THNSL2: variants seen among roughly 807,000 people sequenced by gnomAD.
THNSL2 encodes the protein threonine synthase like 2, also known as threonine synthase-like 2.
Under a neutral mutation model 40.0 loss-of-function variants are expected in THNSL2, and 34 were observed. The observed-to-expected ratio is 0.85, with a 90% CI of 0.65 to 1.13. THNSL2 has a LOEUF of 1.13. THNSL2 is among the 50% of genes most tolerant of loss of function. The probability of loss-of-function intolerance (pLI) is 0.00; values close to 1 mark genes in which losing one functional copy is unlikely to be tolerated. For synonymous variants in THNSL2, 241 were observed against 247.5 expected, an observed-to-expected ratio of 0.97 and a Z score of 0.25; for missense variants, 537 against 608.8, an observed-to-expected ratio of 0.88 and a Z score of 1.24.
chr2:88,178,070 T>A (rs1453789411), intron 4 of THNSL2, among the ~76,000 whole-genome samples: 2 of 129,280 alleles, frequency 1.5e-5, no homozygotes, highest in Admixed American at 7.6e-5. Flanking sequence ...AATGGAGACA[T>A]ACTCGGGTAT....
intron 5 of THNSL2, among the ~76,000 whole-genome samples, chr2:88,179,824 C>G (rs529492692): frequency 1.2e-4 from 18 of 152,334 alleles, no homozygotes; most frequent in African/African-American, 3.6e-4. Context: ...GAGTCATGCC[C>G]TGGTTACAGA....
At chr2:88,170,486 G>A (rs1676244556) in intron 1 of THNSL2, 30 bp downstream of exon 1, 1 of 149,856 alleles carries the variant, frequency 6.7e-6, no homozygotes, top group South Asian at 1.8e-4. Flanking sequence ...CCGCCCTCCC[G>A]GGGTCGTCGC....
intron 1 of THNSL2, chr2:88,172,597 T>C (rs1676481456): frequency 6.6e-6 from 1 of 152,230 alleles, no homozygotes; most frequent in Admixed American, 6.5e-5. Context: ...ATTTAATTGA[T>C]TCAGGTAGTT....
At chr2:88,184,141 G>A (rs1226230706) in intron 7 of THNSL2, among the ~76,000 whole-genome samples, 1 of 152,186 alleles carries the variant, frequency 6.6e-6, no homozygotes, top group African/African-American at 2.4e-5. Flanking sequence ...ATGCAGACTG[G>A]AGTGGAATTC....
At chr2:88,185,118 A>C (rs2104285787) in intron 7 of THNSL2, among the ~76,000 whole-genome samples, 1 of 152,348 alleles carries the variant, frequency 6.6e-6, no homozygotes, top group South Asian at 2.1e-4. Context: ...GGATTGACAT[A>C]AAACTCAAAC....
At chr2:88,173,630 A>G in intron 2 of THNSL2, among the ~76,000 whole-genome samples, 1 of 151,908 alleles carries the variant, frequency 6.6e-6, no homozygotes. Context: ...TTCTTTAAAA[A>G]AAAAAAAACA....
At chr2:88,183,843 G>T (rs1357785759) in intron 7 of THNSL2, 2 of 150,812 alleles carry the variant, frequency 1.3e-5, no homozygotes. Flanking sequence ...CATTCCCACT[G>T]AGTGGCCATC....
chr2:88,171,539 G>A, intron 1 of THNSL2: 1 of 328,750 alleles, frequency 3.0e-6, no homozygotes, highest in Non-Finnish European at 6.1e-6. Flanking sequence ...CTCAGTCGTA[G>A]CGTTTAAGTC....
At chr2:88,185,572 A>G (rs1203110358) in intron 8 of THNSL2, 93 bp downstream of exon 8, 13 of 1,551,806 alleles carry the variant, frequency 8.4e-6, no homozygotes, top group African/African-American at 1.4e-5. Flanking sequence ...GGACTACGAA[A>G]AAATGGCTGT....
chr2:88,177,299 G>T (rs909336161), intron 4 of THNSL2, among the ~76,000 whole-genome samples: 1 of 152,170 alleles, frequency 6.6e-6, no homozygotes, highest in African/African-American at 2.4e-5. Context: ...ATGTGTGTTA[G>T]TTCAGGATAT....
At position 88,185,961 on chromosome 2, in the gene THNSL2, T is replaced by A. The variant is rs765089344; in HGVS notation, c.1293T>A (p.Ala431=). The A allele has an allele frequency of 8.7e-6, 14 of 1,613,056 alleles. No individual in the cohort carries two copies. In the South Asian group the frequency reaches 1.4e-4, roughly 17 times the overall value. The change falls in exon 9 of 9, where the codon GCT becomes GCA. Residue 431 remains alanine (A), a synonymous_variant. Transcript: ENST00000674334. ...AGTTCCCGGAAGCTGTCCTGGCTGC[T>A]GGCCTGACCCCTGAGACTCCCGCGG... The part of the protein sequence containing the change: ...AAKFPEAVLA[A]GLTPETPAEI...
intron 7 of THNSL2, among the ~76,000 whole-genome samples, chr2:88,184,539 C>T (rs551807204): frequency 4.0e-5 from 6 of 151,300 alleles, no homozygotes; most frequent in African/African-American, 7.3e-5. Context: ...CTGAGGCAGG[C>T]GGATCATTTG....
At chr2:88,173,814 G>A (rs1194942104) in intron 2 of THNSL2, among the ~76,000 whole-genome samples, 1 of 152,128 alleles carries the variant, frequency 6.6e-6, no homozygotes, top group Non-Finnish European at 1.5e-5. Flanking sequence ...AAGCTCTACT[G>A]TGCCTATGGA....
intron 1 of THNSL2, among the ~76,000 whole-genome samples, chr2:88,170,687 A>G (rs1676272719): frequency 6.6e-6 from 1 of 151,608 alleles, no homozygotes; most frequent in Admixed American, 6.6e-5. Context: ...TCCTTTGAGA[A>G]CCCCGAAACT....
In THNSL2 at chr2:88,182,785, C is replaced by G; in HGVS notation, c.889C>G (p.Gln297Glu). The part of the protein sequence containing the change: ...RNDIIHRTVQ[Q>E]GDFSLSEAVK... ...TGACATCATCCACAGGACTGTCCAG[C>G]AGGGAGACTTCTCTCTCTCTGAGGC... is the stretch of plus-strand genomic sequence containing the variant. The change falls in exon 6 of 9, where the codon CAG becomes GAG. Residue 297 changes from glutamine (Q) to glutamate (E), a missense_variant. Gln to Glu is a conservative substitution (Grantham distance 29). Transcript: ENST00000674334. The G allele has an allele frequency of 1.2e-6, 2 of 1,614,164 alleles. No individual in the cohort carries two copies. The highest frequency in any genetic ancestry group is 1.7e-6 in the Non-Finnish European group (2 of 1,180,046).
At chr2:88,184,049 T>C (rs953797720) in intron 7 of THNSL2, among the ~76,000 whole-genome samples, 11 of 152,352 alleles carry the variant, frequency 7.2e-5, no homozygotes, top group African/African-American at 2.2e-4. Flanking sequence ...GTCCCTTGCA[T>C]GACATAATTT....
At chr2:88,170,633 CG>C (rs1676266593) in intron 1 of THNSL2, among the ~76,000 whole-genome samples, 177 bp downstream of exon 1, 1 of 152,152 alleles carries the variant, frequency 6.6e-6, no homozygotes, top group Admixed American at 6.5e-5. Flanking sequence ...GAGGGTGGTG[CG>C]GGGGGTTTCT....
chr2:88,183,426 A>G (rs1186597493), intron 7 of THNSL2: 1 of 181,698 alleles, frequency 5.5e-6, no homozygotes, highest in Non-Finnish European at 1.2e-5. Flanking sequence ...CACTTTGCAT[A>G]CTTCCTGGTA....
At chr2:88,177,898 G>A (rs1677109493) in intron 4 of THNSL2, among the ~76,000 whole-genome samples, 1 of 152,228 alleles carries the variant, frequency 6.6e-6, no homozygotes, top group Non-Finnish European at 1.5e-5. Context: ...GAATCACCAT[G>A]ACTGGCCCCG....
Sources: allele counts gnomAD v4.1 joint callset (sites outside exome capture counted in the v4.1 genomes callset), GRCh38; gene constraint gnomAD v4.1.1; transcripts MANE v1.5; gene names NCBI Gene and HGNC (gene_info 2026-07-23, HGNC 2026-07-21).